Variants in DTX3L observed in about 807,000 individuals in gnomAD.
The protein encoded by DTX3L is deltex E3 ubiquitin ligase 3L, also known as E3 ubiquitin-protein ligase DTX3L.
DTX3L carries 34 observed loss-of-function variants against 60.9 expected under a neutral mutation model. The observed-to-expected ratio is 0.56, with a 90% confidence interval of 0.42 to 0.74. The LOEUF is 0.74. Ranked by LOEUF, DTX3L falls within the 30% of genes least tolerant of loss-of-function variation. DTX3L has a pLI of 0.00. For synonymous variants in DTX3L, 290 were observed against 316.6 expected (o/e 0.92, Z 0.89); for missense variants, 810 against 874.0 (o/e 0.93, Z 0.92).
Position 122,569,173 on chromosome 3 carries a change from G to A in DTX3L, c.1084G>A (p.Val362Ile), listed in dbSNP as rs370584998. ...AAKQKISEAF[V>I]KIPVKLFAAN... ...CAAACAAAAAATCTCTGAAGCTTTTGTCAAGATACCTGTGAAACTATTTGC... is the reference window on the plus strand; with the variant it reads ...CAAACAAAAAATCTCTGAAGCTTTTATCAAGATACCTGTGAAACTATTTGC... Residue 362 changes from valine (V) to isoleucine (I), a missense_variant, in exon 3 of 5, where the codon GTC becomes ATC. By Grantham distance (29) the Val-to-Ile change is conservative. Transcript: ENST00000296161. 1 of 1,614,094 alleles carries A rather than the reference G, an allele frequency of 6.2e-7. No individual in the cohort carries two copies. Among genetic ancestry groups the A allele is most frequent in the Non-Finnish European group, 8.5e-7 (1 of 1,180,044 alleles).
rs1166086566 is a variant in DTX3L, at chr3:122,568,528, T to C, written c.439T>C (p.Phe147Leu). 2 of 1,613,172 alleles carry C rather than the reference T, an allele frequency of 1.2e-6. No homozygotes were observed. Among genetic ancestry groups the C allele is most frequent in the African/African-American group, 1.3e-5 (1 of 74,982 alleles). Residue 147 changes from phenylalanine to leucine, a missense_variant, in exon 3 of 5, where the codon TTC (phenylalanine) becomes CTC (leucine). Phe to Leu is a conservative substitution (Grantham distance 22). Coordinates refer to ENST00000296161, the MANE Select transcript of DTX3L (RefSeq NM_138287.3). The part of the protein sequence containing the change: ...TVTADLNCNL[F>L]SKEQRAYITT... ...AACAGCTGACCTGAACTGTAACCTG[T>C]TCTCCAAAGAGCAGAGGGCATACAT...
At position 122,568,510 on chromosome 3, in the gene DTX3L, G is replaced by T; in HGVS notation, c.421G>T (p.Asp141Tyr). The change falls in exon 3 of 5, where the codon GAC becomes TAC. Residue 141 changes from aspartate (D) to tyrosine (Y), a missense_variant. Asp to Tyr is a radical substitution (Grantham distance 160). Coordinates refer to ENST00000296161, the MANE Select transcript of DTX3L (RefSeq NM_138287.3). ...TCAGATCTTTCTTACTGTAACAGCT[G>T]ACCTGAACTGTAACCTGTTCTCCAA... ...LQKIFLTVTA[D>Y]LNCNLFSKEQ... 6.2e-7 allele frequency: 1 copy of T among 1,608,760 alleles called. No individual in the cohort carries two copies. The highest frequency in any genetic ancestry group is 1.1e-5 in the South Asian group (1 of 89,990).
rs200536502 is a variant in DTX3L, at chr3:122,564,559, A to T, written c.133A>T (p.Thr45Ser). The change falls in exon 1 of 5, where the codon ACC becomes TCC. Residue 45 changes from threonine (T) to serine (S), a missense_variant. By Grantham distance (58) the Thr-to-Ser change is moderately conservative. Coordinates refer to ENST00000296161, the MANE Select transcript of DTX3L (RefSeq NM_138287.3). ...GGGCGGCGGGGAGTGCACGGTCAGC[A>T]CCCAGGAACACGAAGCCCCGGGCAC... ...SSGGGECTVS[T>S]QEHEAPGTFR... 3.6e-5 allele frequency: 58 copies of T among 1,608,722 alleles called. No individual in the cohort carries two copies. Among genetic ancestry groups the T allele is most frequent in the Non-Finnish European group, 4.6e-5 (54 of 1,177,300 alleles).
Position 122,565,561 on chromosome 3 carries a change from G to A in DTX3L, c.188-298G>A, listed in dbSNP as rs187961559. Among the ~76,000 whole-genome samples, 1,174 of 139,240 alleles carry A rather than the reference G, an allele frequency of 8.4e-3. 9 individuals carry two copies. Among genetic ancestry groups the A allele is most frequent in the South Asian group, 0.031 (121 of 3,872 alleles). 91.3% of individuals were successfully genotyped at this position (139,240 alleles called of 152,430 possible). On this transcript the variant is annotated intron_variant, in intron 1 of 4. Transcript: ENST00000296161. ...GAAGGAAGGAAGGGAGGGAGGGAGG[G>A]AAAGAAGGAAGAAGGAAAGGGGAGA... is the stretch of plus-strand genomic sequence containing the variant.
Position 122,569,881 on chromosome 3 carries a change from A to G in DTX3L, c.1792A>G (p.Thr598Ala). Residue 598 changes from threonine to alanine, a missense_variant, in exon 3 of 5, where the codon ACA (threonine) becomes GCA (alanine). Physicochemically the swap from Thr to Ala is moderately conservative, Grantham distance 58 (BLOSUM62 0). Coordinates refer to ENST00000296161, the MANE Select transcript of DTX3L (RefSeq NM_138287.3). ...CATGTCATATAAGCCAATCTGTCCC[A>G]CATGCCAGACTTCCTATGGTATTCA... ...KAMSYKPICP[T>A]CQTSYGIQKG... 6.2e-7 allele frequency: 1 copy of G among 1,614,180 alleles called. No homozygotes were observed. Among genetic ancestry groups the G allele is most frequent in the Non-Finnish European group, 8.5e-7 (1 of 1,180,028 alleles).
intron 1 of DTX3L, among the ~76,000 whole-genome samples, chr3:122,565,261 C>T (rs1228306003): frequency 6.6e-6 from 1 of 151,900 alleles, no homozygotes; most frequent in African/African-American, 2.4e-5. Context: ...GCCTGTAATC[C>T]TAGCACTTTG....
Position 122,573,627 on chromosome 3 carries a change from T to C in DTX3L, c.*1880T>C, listed in dbSNP as rs2080663045. 6.6e-6 allele frequency: 1 copy of C among 152,176 alleles called. No homozygotes were observed. Among genetic ancestry groups the C allele is most frequent in the African/African-American group, 2.4e-5 (1 of 41,406 alleles). 9.4% of individuals were successfully genotyped at this position (152,176 alleles called of 1,614,324 possible). ...TAGGCATGTGCCACGGTGCCTGACT[T>C]GAGTTTCTTATTCTAGAACACTTGG... On this transcript the variant is annotated 3_prime_UTR_variant, in exon 5 of 5. Coordinates refer to ENST00000296161, the MANE Select transcript of DTX3L (RefSeq NM_138287.3).
At chr3:122,567,291 G>T (rs1039979442) in intron 2 of DTX3L, among the ~76,000 whole-genome samples, 1 of 152,166 alleles carries the variant, frequency 6.6e-6, no homozygotes, top group Non-Finnish European at 1.5e-5. Context: ...GGGTCACTCT[G>T]GCTGCTGTTG....
rs557633600 is a variant in DTX3L, at chr3:122,567,636, T to C, written c.400-853T>C. Among the ~76,000 whole-genome samples, 8 of 152,234 alleles carry C rather than the reference T, an allele frequency of 5.3e-5. No homozygotes were observed. The South Asian group carries it at 1.7e-3, about 32-fold the overall frequency. On this transcript the variant is annotated intron_variant, in intron 2 of 4. Transcript: ENST00000296161. ...ACTTTGCATGCAGTCGAGTGTTTAG[T>C]TGAAACAAGAATAAAGGAGGAAGAG... is the stretch of plus-strand genomic sequence containing the variant.
chr3:122,566,332 G>A (rs760136522), intron 2 of DTX3L, among the ~76,000 whole-genome samples: 7 of 151,822 alleles, frequency 4.6e-5, no homozygotes, highest in East Asian at 1.9e-4. Flanking sequence ...GAGAAACAGC[G>A]CCAGGGCAAG....
chr3:122,565,487 C>T (rs944651394), intron 1 of DTX3L, among the ~76,000 whole-genome samples: 2 of 121,966 alleles, frequency 1.6e-5, no homozygotes, highest in African/African-American at 6.2e-5. Flanking sequence ...GCACTCCAGC[C>T]TGGGTGACAG....
At position 122,570,624 on chromosome 3, in the gene DTX3L, C is replaced by G; in HGVS notation, c.2105C>G (p.Thr702Ser). The G allele has an allele frequency of 6.2e-7, 1 of 1,614,172 alleles. No homozygotes were observed. Among genetic ancestry groups the G allele is most frequent in the South Asian group, 1.1e-5 (1 of 91,086 alleles). Reference sequence around the variant, plus strand: ...GTATTAGGAGTCTCAGATGTCATCACTTGGAATGATATTCACCACAAAACA... The same window carrying G: ...GTATTAGGAGTCTCAGATGTCATCAGTTGGAATGATATTCACCACAAAACA... Reference protein sequence around the residue: ...SRVLGVSDVITWNDIHHKTSR... With the variant: ...SRVLGVSDVISWNDIHHKTSR... The change falls in exon 4 of 5, where the codon ACT (threonine) becomes AGT (serine). Residue 702 changes from threonine to serine, a missense_variant. Physicochemically the swap from Thr to Ser is moderately conservative, Grantham distance 58 (BLOSUM62 1). Transcript: ENST00000296161.
Position 122,571,882 on chromosome 3 carries a change from T to C in DTX3L, c.*135T>C. The C allele has an allele frequency of 1.5e-6, 1 of 685,910 alleles. No individual in the cohort carries two copies. Among genetic ancestry groups the C allele is most frequent in the Non-Finnish European group, 2.4e-6 (1 of 418,258 alleles). The allele number at this position is 685,910 out of a possible 1,614,324, so 42.5% of individuals were successfully genotyped here. A position where few individuals can be genotyped will look rare whatever the true frequency, so the allele number is the denominator to read the frequency against. On this transcript the variant is annotated 3_prime_UTR_variant, in exon 5 of 5. Coordinates refer to ENST00000296161, the MANE Select transcript of DTX3L (RefSeq NM_138287.3). ...TCTCAAGAAATGGTTTGTATAAGAA[T>C]AACAATCTGCTAGTCTGTCATTTCT...
chr3:122,573,497 T>C lies in DTX3L; in HGVS notation c.*1750T>C, dbSNP rs1309281338. The stretch of plus-strand genomic sequence containing the variant: ...ATTGCTTTTTCCCTTAAGAGACAAG[T>C]CCTTACTATATTGCCCTGTCTCTCA... On this transcript the variant is annotated 3_prime_UTR_variant, in exon 5 of 5. Coordinates refer to ENST00000296161, the MANE Select transcript of DTX3L (RefSeq NM_138287.3). 1.3e-5 allele frequency: 2 copies of C among 152,164 alleles called. No individual in the cohort carries two copies. The highest frequency in any genetic ancestry group is 2.9e-5 in the Non-Finnish European group (2 of 68,040). The allele number at this position is 152,164 out of a possible 1,614,324, so 9.4% of individuals were successfully genotyped here.
rs781491827 is a variant in DTX3L at position 122,574,338 on chromosome 3, G to A, written c.*2591G>A. The A allele has an allele frequency of 6.6e-6, 1 of 152,058 alleles. No individual in the cohort carries two copies. The highest frequency in any genetic ancestry group is 1.5e-5 in the Non-Finnish European group (1 of 68,024). 9.4% of individuals were successfully genotyped at this position (152,058 alleles called of 1,614,324 possible). A position where few individuals can be genotyped will look rare whatever the true frequency, so the allele number is the denominator to read the frequency against. ...AATAAGCCTACTATAAGGAATATAT[G>A]ACATGCTAAATTTTATTTTTAAACG... is the stretch of plus-strand genomic sequence containing the variant. On this transcript the variant is annotated 3_prime_UTR_variant, in exon 5 of 5. Transcript: ENST00000296161.
intron 3 of DTX3L, 76 bp downstream of exon 3, chr3:122,570,100 C>T (rs555438599): frequency 3.4e-6 from 5 of 1,451,392 alleles, no homozygotes; most frequent in East Asian, 2.3e-5. Flanking sequence ...GTCCTGTTGC[C>T]TATTAGACAA....
intron 2 of DTX3L, among the ~76,000 whole-genome samples, chr3:122,567,023 G>A (rs1212129562): frequency 6.6e-6 from 1 of 152,132 alleles, no homozygotes; most frequent in East Asian, 1.9e-4. Context: ...GGATTTCTGG[G>A]CGGAAAGTGT....
chr3:122,565,742 G>A lies in DTX3L; in HGVS notation c.188-117G>A, dbSNP rs3806644. 777 of 942,190 alleles carry A rather than the reference G, an allele frequency of 8.2e-4. 10 individuals are homozygous for A. In the East Asian group the frequency reaches 0.018, roughly 22 times the overall value. The allele number at this position is 942,190 out of a possible 1,614,324, so 58.4% of individuals were successfully genotyped here. A position where few individuals can be genotyped will look rare whatever the true frequency, so the allele number is the denominator to read the frequency against. ...GCCAACCCACCATTCCAGGATGCAG[G>A]GAGCAGCCTTACTGGGAGGTGCTGG... On this transcript the variant is annotated intron_variant, in intron 1 of 4. Coordinates refer to ENST00000296161, the MANE Select transcript of DTX3L (RefSeq NM_138287.3).
In DTX3L at chr3:122,564,630, C is replaced by T. The variant is rs746231140; in HGVS notation, c.187+17C>T. ...AAAGGGCAGGTGAGCTTCGGGCGGC[C>T]AGGCTGCGAAAGCCCTCTGGGGGCC... On this transcript the variant is annotated intron_variant, in intron 1 of 4. Coordinates refer to ENST00000296161, the MANE Select transcript of DTX3L (RefSeq NM_138287.3). The T allele has an allele frequency of 2.5e-6, 4 of 1,579,002 alleles. No individual in the cohort carries two copies. Among genetic ancestry groups the T allele is most frequent in the Non-Finnish European group, 3.4e-6 (4 of 1,165,022 alleles).
Sources: gnomAD v4.1 joint callset for allele counts (sites outside exome capture counted in the v4.1 genomes callset) on GRCh38, gnomAD v4.1.1 for gene constraint, MANE v1.5 for transcripts, NCBI Gene and HGNC (gene_info 2026-07-23, HGNC 2026-07-21) for gene names.